The following GRAMD2B variants were observed in gnomAD, a reference collection of about 807,000 sequenced individuals.
GRAMD2B encodes the protein GRAM domain-containing protein 2B.
A neutral mutation model predicts 59.2 loss-of-function variants in GRAMD2B; 41 were observed. That is an observed-to-expected ratio of 0.69 (90% CI 0.54 to 0.90). The LOEUF (loss-of-function observed/expected upper bound fraction) is 0.90. GRAMD2B is among the 40% of genes least tolerant of loss of function. The probability of loss-of-function intolerance (pLI) is 0.00; values close to 1 mark genes in which losing one functional copy is unlikely to be tolerated. For missense variants in GRAMD2B, 424 were observed against 500.5 expected (o/e 0.85, Z 1.46); for synonymous variants, 161 against 182.7 (o/e 0.88, Z 0.96).
intron 1 of GRAMD2B, among the ~76,000 whole-genome samples, chr5:126,456,944 G>A (rs1433542060): frequency 2.0e-5 from 3 of 151,806 alleles, no homozygotes. Flanking sequence ...TGTAATCCCA[G>A]CACTTTGGGA....
In GRAMD2B at chr5:126,361,873, C is replaced by T. The variant is rs142829838; in HGVS notation, c.128+1414C>T. The stretch of plus-strand genomic sequence containing the variant: ...AGCCTCTATATCTGTGTTTGAGTGT[C>T]ACAAACTGTGGGACATGAGACCAGT... On this transcript the variant is annotated intron_variant, in intron 1 of 13. Transcript: ENST00000513040. Among the ~76,000 whole-genome samples the T allele has an allele frequency of 5.1e-3, 771 of 152,272 alleles. 9 individuals carry two copies. Among genetic ancestry groups the T allele is most frequent in the African/African-American group, 0.018 (731 of 41,548 alleles).
intron 2 of GRAMD2B, among the ~76,000 whole-genome samples, chr5:126,468,517 T>A (rs894635803): frequency 1.3e-5 from 2 of 152,294 alleles, no homozygotes; most frequent in Non-Finnish European, 2.9e-5. Flanking sequence ...AGACAGAATA[T>A]TGCTCTGTCC....
At chr5:126,483,637 C>T (rs1772301068) in intron 9 of GRAMD2B, 63 bp downstream of exon 9, 3 of 775,830 alleles carry the variant, frequency 3.9e-6, no homozygotes, top group Admixed American at 5.4e-5. Flanking sequence ...TCACCCCACC[C>T]CCTTAAAAAA....
chr5:126,419,306 C>CGA (rs1759516169), upstream of GRAMD2B, among the ~76,000 whole-genome samples: 1 of 151,252 alleles, frequency 6.6e-6, no homozygotes, highest in Non-Finnish European at 1.5e-5. Context: ...CATGGTGAAG[C>CGA]GAGAGAGAGG....
At chr5:126,467,397 G>C (rs111641359) in intron 2 of GRAMD2B, 1 of 152,120 alleles carries the variant, frequency 6.6e-6, no homozygotes, top group South Asian at 2.1e-4. Context: ...GAGAATAACA[G>C]GGTTGAAAAG....
intron 1 of GRAMD2B, among the ~76,000 whole-genome samples, chr5:126,423,941 G>C (rs549360643): frequency 6.6e-6 from 1 of 152,240 alleles, no homozygotes; most frequent in Admixed American, 6.5e-5. Context: ...CTGGATGTTG[G>C]GAAAATAATT....
At chr5:126,396,710 G>T (rs2194050) in intron 1 of GRAMD2B, among the ~76,000 whole-genome samples, 117,343 of 152,114 alleles carry the variant, frequency 0.77, 46,004 homozygotes, top group Non-Finnish European at 0.84. Context: ...GGATTGGTAG[G>T]TCGAATGGTA....
intron 1 of GRAMD2B, among the ~76,000 whole-genome samples, chr5:126,457,191 C>CAAAAAAAAAAA (rs559904336): frequency 4.7e-5 from 3 of 63,980 alleles, no homozygotes; most frequent in African/African-American, 1.7e-4. Flanking sequence ...GACTCCGTCT[C>CAAAAAAAAAAA]AAAAAAAAAA....
intron 1 of GRAMD2B, among the ~76,000 whole-genome samples, chr5:126,464,357 G>C (rs1767923332): frequency 6.6e-6 from 1 of 152,210 alleles, no homozygotes; most frequent in Non-Finnish European, 1.5e-5. Flanking sequence ...AGTATCGTTT[G>C]TGTTTTACTG....
At chr5:126,469,592 GC>G in intron 2 of GRAMD2B, 84 bp from the exon 3 acceptor site, 2 of 853,650 alleles carry the variant, frequency 2.3e-6, no homozygotes, top group Non-Finnish European at 3.9e-6. Flanking sequence ...CCGTGATCAT[GC>G]TGCTGCACTT....
Position 126,493,432 on chromosome 5 carries a change from T to C in GRAMD2B, c.*476T>C, listed in dbSNP as rs542866165. On this transcript the variant is annotated 3_prime_UTR_variant, in exon 14 of 14. Coordinates refer to ENST00000285689, the MANE Select transcript of GRAMD2B (RefSeq NM_023927.4). ...GTCTCAAAAAGGCAATAAATGGCTC[T>C]AAGTGGACAGGTTTGCTTCAAACAA... The C allele has an allele frequency of 6.5e-6, 1 of 153,950 alleles. No individual in the cohort carries two copies. The highest frequency in any genetic ancestry group is 2.4e-5 in the African/African-American group (1 of 41,602). 9.5% of individuals were successfully genotyped at this position (153,950 alleles called of 1,614,324 possible).
At chr5:126,415,025 G>A (rs1759140935) in intron 1 of GRAMD2B, among the ~76,000 whole-genome samples, 1 of 152,064 alleles carries the variant, frequency 6.6e-6, no homozygotes, top group Admixed American at 6.6e-5. Context: ...TTTCCTTAAG[G>A]CCAGTAGTTC....
At chr5:126,374,241 A>AT (rs1204647277) in intron 1 of GRAMD2B, among the ~76,000 whole-genome samples, 3 of 152,150 alleles carry the variant, frequency 2.0e-5, no homozygotes, top group African/African-American at 7.2e-5. Context: ...GAATTGTCTG[A>AT]TTTTTTTACC....
intron 1 of GRAMD2B, among the ~76,000 whole-genome samples, chr5:126,434,485 T>C (rs1374101354): frequency 1.3e-5 from 2 of 152,120 alleles, no homozygotes; most frequent in Non-Finnish European, 2.9e-5. Flanking sequence ...TATTCTTGAC[T>C]TTCCCACATG....
At chr5:126,366,846 C>CTTTTTTTTTTTTTTTTT (rs59718576), upstream of GRAMD2B, among the ~76,000 whole-genome samples, 1 of 107,682 alleles carries the variant, frequency 9.3e-6, no homozygotes, top group Non-Finnish European at 1.8e-5. Flanking sequence ...CAGACCAAGG[C>CTTTTTTTTTTTTTTTTT]TTTTTTTTTT....
At chr5:126,377,187 C>T (rs1253222873) in intron 1 of GRAMD2B, among the ~76,000 whole-genome samples, 1 of 149,448 alleles carries the variant, frequency 6.7e-6, no homozygotes, top group African/African-American at 2.5e-5. Flanking sequence ...AATTCCTATG[C>T]CCTTTCAAGA....
chr5:126,434,357 A>G (rs1295687961), intron 1 of GRAMD2B, among the ~76,000 whole-genome samples: 2 of 152,112 alleles, frequency 1.3e-5, no homozygotes, highest in East Asian at 1.9e-4. Context: ...AGCTATCACA[A>G]TCTTCTTATA....
chr5:126,398,604 C>T (rs1477578375), intron 1 of GRAMD2B, among the ~76,000 whole-genome samples: 1 of 151,944 alleles, frequency 6.6e-6, no homozygotes. Flanking sequence ...TTTACATTGA[C>T]TCTAATCTTT....
intron 1 of GRAMD2B, among the ~76,000 whole-genome samples, chr5:126,418,393 A>G (rs528551735): frequency 1.3e-5 from 2 of 152,286 alleles, no homozygotes; most frequent in East Asian, 3.9e-4. Context: ...TGCTTTCTCA[A>G]TTAACCAGAT....
Sources: gnomAD v4.1 joint callset for allele counts (sites outside exome capture counted in the v4.1 genomes callset) on GRCh38, gnomAD v4.1.1 for gene constraint, MANE v1.5 for transcripts, NCBI Gene and HGNC (gene_info 2026-07-23, HGNC 2026-07-21) for gene names.